The following SLC35D2 variants were observed in gnomAD, a reference collection of about 807,000 sequenced individuals.
The protein encoded by SLC35D2 is nucleotide sugar transporter SLC35D2.
A neutral mutation model predicts 41.8 loss-of-function variants in SLC35D2; 43 were observed. The observed-to-expected ratio is 1.03, with a 90% CI of 0.81 to 1.33. The LOEUF is 1.33. Among genes scored for constraint, SLC35D2 ranks in the 40% most tolerant of loss-of-function variants. The probability of loss-of-function intolerance (pLI) is 0.00; values close to 1 mark genes in which losing one functional copy is unlikely to be tolerated. For missense variants in SLC35D2, 380 were observed against 408.4 expected, an observed-to-expected ratio of 0.93 and a Z score of 0.60; for synonymous variants, 150 against 163.9, an observed-to-expected ratio of 0.92 and a Z score of 0.65.
chr9:96,363,380 T>C (rs915200322), intron 3 of SLC35D2, among the ~76,000 whole-genome samples: 1 of 152,190 alleles, frequency 6.6e-6, no homozygotes, highest in Non-Finnish European at 1.5e-5. Flanking sequence ...CTGGCATTTT[T>C]CCAAGCACTA....
chr9:96,354,669 A>T (rs1415789749), intron 4 of SLC35D2, among the ~76,000 whole-genome samples: 1 of 150,750 alleles, frequency 6.6e-6, no homozygotes, highest in African/African-American at 2.4e-5. Context: ...TTGGGAGACT[A>T]AGGCAGGACA....
chr9:96,336,260 G>T (rs574934646), intron 9 of SLC35D2, among the ~76,000 whole-genome samples: 24 of 152,194 alleles, frequency 1.6e-4, no homozygotes, highest in Admixed American at 1.3e-3. Context: ...ACATATTACT[G>T]CCAGGCCTGG....
rs139005054 is a variant in SLC35D2 at position 96,349,168 on chromosome 9, G to A, written c.488+1935C>T. Among the ~76,000 whole-genome samples the A allele has an allele frequency of 6.3e-3, 966 of 152,240 alleles. 4 individuals are homozygous for A. The highest frequency in any genetic ancestry group is 0.017 in the Middle Eastern group (5 of 294). On this transcript the variant is annotated intron_variant, in intron 6 of 11. Coordinates refer to ENST00000253270, the MANE Select transcript of SLC35D2 (RefSeq NM_007001.3). ...TCCCTTTTCAATCTTAAAAGAGTGCGCCCACCCATGAGAACACACTTGCTT... is the reference window on the plus strand; with the variant it reads ...TCCCTTTTCAATCTTAAAAGAGTGCACCCACCCATGAGAACACACTTGCTT...
intron 1 of SLC35D2, among the ~76,000 whole-genome samples, chr9:96,372,163 T>C (rs71499942): frequency 0.025 from 3,858 of 152,334 alleles, 72 homozygotes; most frequent in Middle Eastern, 0.054. Context: ...CTATCAAGTA[T>C]TCTTGCCAAA....
chr9:96,365,481 A>C (rs1830440986), intron 2 of SLC35D2, among the ~76,000 whole-genome samples: 1 of 152,186 alleles, frequency 6.6e-6, no homozygotes, highest in African/African-American at 2.4e-5. Flanking sequence ...AATGTGCAAA[A>C]GTGATCACAG....
At chr9:96,319,134 G>A (rs1828126657), downstream of SLC35D2, among the ~76,000 whole-genome samples, 1 of 152,192 alleles carries the variant, frequency 6.6e-6, no homozygotes, top group Non-Finnish European at 1.5e-5. Context: ...ATCAGCAGAT[G>A]ACTGGATAAA....
rs537642938 is a variant in SLC35D2 at position 96,380,186 on chromosome 9, C to T, written c.158+3291G>A. Among the ~76,000 whole-genome samples the T allele has an allele frequency of 2.6e-5, 4 of 152,246 alleles. No homozygotes were observed. The South Asian group carries it at 8.3e-4, about 32-fold the overall frequency. ...TGCTGGGAGTATAGGCGTGAGCCAC[C>T]GCGCCCGGCCCTTAGAGCCTTTCTT... is the stretch of plus-strand genomic sequence containing the variant. On this transcript the variant is annotated intron_variant, in intron 1 of 11. Transcript: ENST00000253270.
intron 10 of SLC35D2, 142 bp downstream of exon 10, chr9:96,323,949 G>GA: frequency 1.6e-6 from 1 of 626,276 alleles, no homozygotes; most frequent in East Asian, 2.7e-5. Flanking sequence ...AGTAAGATGG[G>GA]ATCACACAGG....
At chr9:96,354,935 T>C (rs1261876515) in intron 4 of SLC35D2, among the ~76,000 whole-genome samples, 1 of 151,568 alleles carries the variant, frequency 6.6e-6, no homozygotes, top group African/African-American at 2.4e-5. Flanking sequence ...CAGTGGTTCA[T>C]GCCTGTAATC....
At chr9:96,340,637 A>C (rs951235859) in intron 8 of SLC35D2, among the ~76,000 whole-genome samples, 1 of 150,300 alleles carries the variant, frequency 6.7e-6, no homozygotes, top group East Asian at 1.9e-4. Flanking sequence ...AAAAAAAAAA[A>C]AAAAAAAAAA....
intron 6 of SLC35D2, among the ~76,000 whole-genome samples, chr9:96,346,987 T>C (rs1413857041): frequency 2.6e-5 from 4 of 152,122 alleles, no homozygotes; most frequent in African/African-American, 9.6e-5. Context: ...AAATACAAAA[T>C]TAGCTGGGCG....
chr9:96,324,286 A>G (rs920394548), intron 9 of SLC35D2, 117 bp from the exon 10 acceptor site: 10 of 708,632 alleles, frequency 1.4e-5, no homozygotes, highest in Non-Finnish European at 2.3e-5. Context: ...AAAGAAACAC[A>G]TATCATAAAG....
At chr9:96,378,231 C>T (rs1025231589) in intron 1 of SLC35D2, among the ~76,000 whole-genome samples, 2 of 150,502 alleles carry the variant, frequency 1.3e-5, no homozygotes, top group African/African-American at 4.9e-5. Flanking sequence ...CCCAAGAGTT[C>T]GAGACCAGCC....
rs1448826129 is a variant in SLC35D2, at chr9:96,321,320, A to G, written c.936T>C (p.Tyr312=). The G allele has an allele frequency of 3.7e-6, 6 of 1,613,856 alleles. No individual in the cohort carries two copies. The highest frequency in any genetic ancestry group is 2.7e-5 in the African/African-American group (2 of 74,922). ...LNICMAGGLR[Y]SFLTLSSQLK... is the part of the protein sequence containing the mutation. ...ACTGGCTGCTCAGTGTTAAAAAGGA[A>G]TATCTCAAGCCCCCTGCCATGCTGA... The change falls in exon 12 of 12, where the codon TAT becomes TAC. Residue 312 remains tyrosine, a synonymous_variant. Coordinates refer to ENST00000253270, the MANE Select transcript of SLC35D2 (RefSeq NM_007001.3).
In SLC35D2 at chr9:96,379,107, G is replaced by A. The variant is rs138044643; in HGVS notation, c.158+4370C>T. ...GAGCCCAGGAGTTCAAGACCAGCCC[G>A]GGCAACATAGCAAGAACCCCTCTCT... On this transcript the variant is annotated intron_variant, in intron 1 of 11. Transcript: ENST00000253270. Among the ~76,000 whole-genome samples the A allele has an allele frequency of 9.3e-3, 1,395 of 150,766 alleles. 20 individuals carry two copies. The highest frequency in any genetic ancestry group is 0.032 in the African/African-American group (1,309 of 40,942).
At chr9:96,374,253 G>A (rs956323935) in intron 1 of SLC35D2, among the ~76,000 whole-genome samples, 9 of 152,218 alleles carry the variant, frequency 5.9e-5, no homozygotes, top group East Asian at 5.8e-4. Flanking sequence ...TTCATTGGCC[G>A]GGTGTGGTGG....
intron 1 of SLC35D2, among the ~76,000 whole-genome samples, chr9:96,380,521 G>A (rs1048840225): frequency 2.0e-5 from 3 of 151,062 alleles, no homozygotes; most frequent in Admixed American, 2.0e-4. Context: ...GCAGTGGTGT[G>A]ATCTCAGCTC....
intron 5 of SLC35D2, among the ~76,000 whole-genome samples, chr9:96,351,811 C>T (rs187109873): frequency 2.6e-4 from 40 of 152,172 alleles, no homozygotes; most frequent in African/African-American, 9.4e-4. Flanking sequence ...TACTTTCTTA[C>T]GATTTTCTAC....
At chr9:96,334,196 G>A (rs549919907) in intron 9 of SLC35D2, among the ~76,000 whole-genome samples, 1 of 152,272 alleles carries the variant, frequency 6.6e-6, no homozygotes, top group Non-Finnish European at 1.5e-5. Flanking sequence ...ACTCTAGGGG[G>A]AGGAGGGGAT....
Sources: allele counts gnomAD v4.1 joint callset (sites outside exome capture counted in the v4.1 genomes callset), GRCh38; gene constraint gnomAD v4.1.1; transcripts MANE v1.5; gene names NCBI Gene and HGNC (gene_info 2026-07-23, HGNC 2026-07-21).